DOCK7: variants seen among roughly 807,000 people sequenced by gnomAD.
DOCK7 encodes dedicator of cytokinesis protein 7.
In DOCK7, 138 loss-of-function variants were observed where a neutral mutation model predicts 271.0. The observed-to-expected ratio is 0.51, with a 90% CI of 0.44 to 0.59. The LOEUF is 0.59. Ranked by LOEUF, DOCK7 falls within the 20% of genes least tolerant of loss-of-function variation. The pLI, the probability that DOCK7 is intolerant of heterozygous loss-of-function variation, is 0.00. For synonymous variants in DOCK7, 823 were observed against 876.1 expected (o/e 0.94, Z 1.07); for missense variants, 2,066 against 2,592.4 (o/e 0.80, Z 4.41).
At chr1:62,682,064 A>G (rs1253502063) in intron 1 of DOCK7, among the ~76,000 whole-genome samples, 3 of 152,104 alleles carry the variant, frequency 2.0e-5, no homozygotes, top group Non-Finnish European at 4.4e-5. Flanking sequence ...AAAAAACAGC[A>G]GAACAGTTAC....
In DOCK7 at chr1:62,535,562, C is replaced by T. The variant is rs766018011; in HGVS notation, c.3542G>A (p.Arg1181His). The T allele has an allele frequency of 6.8e-6, 11 of 1,613,764 alleles. No individual in the cohort carries two copies. The highest frequency in any genetic ancestry group is 3.3e-5 in the Admixed American group (2 of 59,976). ...AAGTCCTGCCAAATAATGCTGTTGG[C>T]GGAAAGGCACGGATAATTCAAACAT... ...ANMFELSVPF[R>H]QQHYLAGLVL... is the part of the protein sequence containing the mutation. The change falls in exon 29 of 50, where the codon CGC becomes CAC. Residue 1181 changes from arginine (R) to histidine (H), a missense_variant. Arg to His is a conservative substitution (Grantham distance 29). This residue lies in a region of DOCK7 where 1,414 missense variants were observed against 1,670.4 expected (regional missense o/e 0.85). Coordinates refer to ENST00000635253, the MANE Select transcript of DOCK7 (RefSeq NM_001367561.1).
chr1:62,635,065 G>T (rs745915203), intron 8 of DOCK7, 143 bp from the exon 9 acceptor site: 24 of 456,620 alleles, frequency 5.3e-5, no homozygotes, highest in Non-Finnish European at 8.2e-5. Context: ...ATTATAATAA[G>T]AAAACATTTA....
chr1:62,478,840 C>T (rs1422632278), intron 43 of DOCK7: 1 of 152,150 alleles, frequency 6.6e-6, no homozygotes, highest in Non-Finnish European at 1.5e-5. Flanking sequence ...ACCCAAACCA[C>T]CCATTGGCAT....
chr1:62,624,467 G>C (rs1384308896), intron 12 of DOCK7, among the ~76,000 whole-genome samples: 1 of 152,144 alleles, frequency 6.6e-6, no homozygotes, highest in Non-Finnish European at 1.5e-5. Flanking sequence ...GATAGAGAAT[G>C]TCTTGGATCC....
intron 48 of DOCK7, among the ~76,000 whole-genome samples, chr1:62,461,970 C>T (rs538705606): frequency 6.6e-6 from 1 of 151,428 alleles, no homozygotes; most frequent in Non-Finnish European, 1.5e-5. Flanking sequence ...ACTTGGGAGG[C>T]TGAGGTAGGA....
In DOCK7 at chr1:62,543,768, T is replaced by C. The variant is rs766118337; in HGVS notation, c.2860-23A>G. 5.8e-6 allele frequency: 9 copies of C among 1,540,440 alleles called. No individual in the cohort carries two copies. In the South Asian group the frequency reaches 9.5e-5, roughly 16 times the overall value. Reference sequence around the variant, plus strand: ...AGCCTATGGAGTGAAGATGAATGAATGACGAGATAACATTAACGTTTGCAG... The same window carrying C: ...AGCCTATGGAGTGAAGATGAATGAACGACGAGATAACATTAACGTTTGCAG... On this transcript the variant is annotated intron_variant, in intron 23 of 49. Transcript: ENST00000635253.
At chr1:62,653,841 G>A in intron 3 of DOCK7, 48 bp from the exon 4 acceptor site, 1 of 1,455,290 alleles carries the variant, frequency 6.9e-7, no homozygotes, top group African/African-American at 1.4e-5. Flanking sequence ...GGACAGCACT[G>A]ATGTTCATTA....
intron 4 of DOCK7, among the ~76,000 whole-genome samples, chr1:62,652,057 GCCT>G (rs1657452204): frequency 6.6e-6 from 1 of 152,124 alleles, no homozygotes; most frequent in Admixed American, 6.5e-5. Flanking sequence ...ATTAGCCTAA[GCCT>G]CCACAATTAC....
intron 35 of DOCK7, among the ~76,000 whole-genome samples, chr1:62,506,934 C>T (rs1282619572): frequency 7.0e-6 from 1 of 142,744 alleles, no homozygotes; most frequent in Non-Finnish European, 1.5e-5. Context: ...GCAACAAGAG[C>T]GAAACTCCAC....
At chr1:62,567,051 A>T (rs1407555610) in intron 18 of DOCK7, among the ~76,000 whole-genome samples, 1 of 152,112 alleles carries the variant, frequency 6.6e-6, no homozygotes, top group Non-Finnish European at 1.5e-5. Context: ...AAAGCAACAG[A>T]TGCTGGACAG....
At chr1:62,668,762 G>C (rs1043526709) in intron 1 of DOCK7, among the ~76,000 whole-genome samples, 4 of 151,750 alleles carry the variant, frequency 2.6e-5, no homozygotes, top group Non-Finnish European at 4.4e-5. Context: ...GGAGTCAATA[G>C]TGTCTACCTG....
In DOCK7 at chr1:62,455,269, T is replaced by TA; in HGVS notation, c.*144dup. ...CCATGATTCTCAAGCGTTAACAATC[T>TA]ACATTTGATATTTTCTTGGCCACTG... On this transcript the variant is annotated 3_prime_UTR_variant, in exon 50 of 50. Coordinates refer to ENST00000635253, the MANE Select transcript of DOCK7 (RefSeq NM_001367561.1). The TA allele has an allele frequency of 1.2e-6, 1 of 837,472 alleles. No homozygotes were observed. The highest frequency in any genetic ancestry group is 2.0e-6 in the Non-Finnish European group (1 of 504,816). 51.9% of individuals were successfully genotyped at this position (837,472 alleles called of 1,614,324 possible).
chr1:62,593,197 CAAAATGTTAATAGAGTCGAGAT>C (rs1169377481), intron 14 of DOCK7, among the ~76,000 whole-genome samples: 2 of 152,036 alleles, frequency 1.3e-5, no homozygotes, highest in Non-Finnish European at 2.9e-5. Context: ...ATGATAGACC[CAAAATGTTAATAGAGTCGAGAT>C]TTTTATTTTT....
chr1:62,506,377 C>T (rs1410455567), intron 35 of DOCK7, among the ~76,000 whole-genome samples: 11 of 152,060 alleles, frequency 7.2e-5, no homozygotes, highest in African/African-American at 2.4e-4. Flanking sequence ...ACATGATGGC[C>T]GCAGCTCAAG....
chr1:62,640,329 T>A (rs899111289), intron 7 of DOCK7, among the ~76,000 whole-genome samples: 1 of 151,762 alleles, frequency 6.6e-6, no homozygotes, highest in Non-Finnish European at 1.5e-5. Flanking sequence ...CTGGCCAACA[T>A]GGCCAACATG....
At chr1:62,468,098 C>T (rs1050239545) in intron 48 of DOCK7, among the ~76,000 whole-genome samples, 1 of 152,132 alleles carries the variant, frequency 6.6e-6, no homozygotes, top group African/African-American at 2.4e-5. Flanking sequence ...CGGTGGCTCA[C>T]GCCTGTAATT....
chr1:62,603,368 A>C (rs1199874081), intron 14 of DOCK7, among the ~76,000 whole-genome samples: 4 of 151,830 alleles, frequency 2.6e-5, no homozygotes, highest in Non-Finnish European at 4.4e-5. Flanking sequence ...CAATCTATTT[A>C]TATTTGTTAT....
intron 10 of DOCK7, 60 bp from the exon 11 acceptor site, chr1:62,631,465 A>G: frequency 7.3e-7 from 1 of 1,376,362 alleles, no homozygotes; most frequent in South Asian, 1.5e-5. Context: ...GTTAAAGGCT[A>G]TTTCATACTA....
chr1:62,579,419 G>A (rs965995548), intron 16 of DOCK7, among the ~76,000 whole-genome samples: 109 of 152,096 alleles, frequency 7.2e-4, no homozygotes, highest in African/African-American at 2.6e-3. Context: ...GGCATCTTTA[G>A]ACAACTTAAT....
Sources: allele counts gnomAD v4.1 joint callset (sites outside exome capture counted in the v4.1 genomes callset), GRCh38; gene constraint gnomAD v4.1.1; regional missense constraint gnomAD v4.1.1; transcripts MANE v1.5; gene names NCBI Gene and HGNC (gene_info 2026-07-23, HGNC 2026-07-21).